Variants in RSU1 observed in about 807,000 individuals in gnomAD.
RSU1 encodes Ras suppressor protein 1.
In RSU1, 26 loss-of-function variants were observed where a neutral mutation model predicts 31.1. The observed-to-expected ratio is 0.84, with a 90% confidence interval of 0.61 to 1.16. The LOEUF (loss-of-function observed/expected upper bound fraction) is 1.16. Ranked by LOEUF, RSU1 falls within the 50% of genes most tolerant of loss-of-function variation. RSU1 has a pLI of 0.00. For missense variants in RSU1, 320 were observed against 339.1 expected (o/e 0.94, Z 0.44); for synonymous variants, 164 against 136.3 (o/e 1.20, Z -1.41).
chr10:16,693,008 G>A (rs1835594494), intron 8 of RSU1, among the ~76,000 whole-genome samples: 1 of 152,116 alleles, frequency 6.6e-6, no homozygotes, highest in Admixed American at 6.5e-5. Context: ...TGTCGCCCAG[G>A]CTGGAGTGCA....
chr10:16,804,866 T>C (rs1325443014), intron 2 of RSU1, among the ~76,000 whole-genome samples: 2 of 152,184 alleles, frequency 1.3e-5, no homozygotes, highest in Non-Finnish European at 2.9e-5. Flanking sequence ...AGAGGATTTT[T>C]AGAGCAGTGT....
At position 16,695,160 on chromosome 10, in the gene RSU1, G is replaced by C. The variant is rs570985776; in HGVS notation, c.599-5C>G. 132 of 1,476,262 alleles carry C rather than the reference G, an allele frequency of 8.9e-5. No individual in the cohort carries two copies. Among genetic ancestry groups the C allele is most frequent in the South Asian group, 1.7e-4 (14 of 83,410 alleles). The allele number at this position is 1,476,262 out of a possible 1,614,324, so 91.4% of individuals were successfully genotyped here. On this transcript the variant is annotated splice_region_variant and splice_polypyrimidine_tract_variant and intron_variant, in intron 7 of 8. Coordinates refer to ENST00000345264, the MANE Select transcript of RSU1 (RefSeq NM_012425.4). ...GGCCAGTTAAATCCAAGTTTCCTGG[G>C]GGGGGGGAAAAAAAAAGTGAAGGTC...
chr10:16,670,502 G>A (rs781409269), intron 8 of RSU1, among the ~76,000 whole-genome samples: 8 of 152,100 alleles, frequency 5.3e-5, no homozygotes, highest in South Asian at 2.1e-4. Context: ...CATAATGAGG[G>A]GTTGCCAGGC....
chr10:16,792,701 CAG>C (rs1442857723), intron 2 of RSU1, among the ~76,000 whole-genome samples: 2 of 152,246 alleles, frequency 1.3e-5, no homozygotes, highest in African/African-American at 4.8e-5. Context: ...CAGTTGTGCA[CAG>C]AGACAGCCAC....
chr10:16,674,485 C>T (rs886792445), intron 8 of RSU1, among the ~76,000 whole-genome samples: 42 of 150,634 alleles, frequency 2.8e-4, no homozygotes, highest in South Asian at 2.1e-4. Context: ...CAGCTCTCAT[C>T]GAATATTCAG....
chr10:16,757,392 G>A (rs1837118582), intron 4 of RSU1, among the ~76,000 whole-genome samples: 1 of 152,116 alleles, frequency 6.6e-6, no homozygotes, highest in African/African-American at 2.4e-5. Flanking sequence ...ACAGCTGACA[G>A]CAGAGGGGGC....
rs540305870 is a variant in RSU1, at chr10:16,639,686, T to G, written c.732-46190A>C. ...TTTTATTGCCAAAGACATTTTCATCTGCAGCCAAATCACCAGGGAAACACT... is the reference window on the plus strand; with the variant it reads ...TTTTATTGCCAAAGACATTTTCATCGGCAGCCAAATCACCAGGGAAACACT... On this transcript the variant is annotated intron_variant, in intron 8 of 8. Coordinates refer to ENST00000345264, the MANE Select transcript of RSU1 (RefSeq NM_012425.4). Among the ~76,000 whole-genome samples the G allele has an allele frequency of 4.6e-5, 7 of 152,332 alleles. No individual in the cohort carries two copies. The South Asian group carries it at 1.0e-3, about 23-fold the overall frequency.
chr10:16,681,965 C>A (rs1454819326), intron 8 of RSU1, among the ~76,000 whole-genome samples: 1 of 152,106 alleles, frequency 6.6e-6, no homozygotes. Flanking sequence ...GTCTTTACAG[C>A]ATGGTGCATC....
At chr10:16,604,487 C>T (rs531736862) in intron 8 of RSU1, among the ~76,000 whole-genome samples, 2 of 151,646 alleles carry the variant, frequency 1.3e-5, no homozygotes, top group Non-Finnish European at 2.9e-5. Context: ...ACCCGGCACA[C>T]GCGATCCACA....
intron 8 of RSU1, among the ~76,000 whole-genome samples, chr10:16,636,678 T>C (rs1588686572): frequency 6.6e-6 from 1 of 152,232 alleles, no homozygotes; most frequent in Non-Finnish European, 1.5e-5. Context: ...GGAGACCTCC[T>C]ATCTGATCTG....
intron 8 of RSU1, among the ~76,000 whole-genome samples, chr10:16,604,036 G>A (rs1488402287): frequency 6.6e-6 from 1 of 152,114 alleles, no homozygotes; most frequent in Admixed American, 6.5e-5. Context: ...GCTGGAGGAT[G>A]ATATGATACA....
intron 8 of RSU1, among the ~76,000 whole-genome samples, chr10:16,596,234 CA>C (rs746007880): frequency 9.9e-5 from 15 of 152,112 alleles, no homozygotes; most frequent in Non-Finnish European, 1.8e-4. Context: ...CCTTACATGA[CA>C]AAAGGGGCTC....
At chr10:16,670,346 G>T (rs1588705209) in intron 8 of RSU1, among the ~76,000 whole-genome samples, 1 of 152,102 alleles carries the variant, frequency 6.6e-6, no homozygotes, top group East Asian at 1.9e-4. Context: ...TCCAAGATAT[G>T]GCCACTCAAT....
chr10:16,787,310 C>A (rs142979325), intron 2 of RSU1, among the ~76,000 whole-genome samples: 6 of 152,230 alleles, frequency 3.9e-5, no homozygotes, highest in African/African-American at 7.2e-5. Flanking sequence ...CTATGTAGAG[C>A]AACCAATCTC....
At chr10:16,751,033 T>C (rs1447378036) in intron 7 of RSU1, among the ~76,000 whole-genome samples, 1 of 152,008 alleles carries the variant, frequency 6.6e-6, no homozygotes, top group Admixed American at 6.6e-5. Context: ...GTCCAGCTAA[T>C]TTTTTGTACT....
At chr10:16,761,078 C>A (rs989751453) in intron 4 of RSU1, among the ~76,000 whole-genome samples, 2 of 152,094 alleles carry the variant, frequency 1.3e-5, no homozygotes, top group Admixed American at 6.6e-5. Flanking sequence ...GGTAGAGTAG[C>A]TGCGATCACA....
chr10:16,720,266 T>G (rs964166200), intron 7 of RSU1, among the ~76,000 whole-genome samples: 4 of 152,188 alleles, frequency 2.6e-5, no homozygotes, highest in Non-Finnish European at 5.9e-5. Context: ...ACCATAGTTA[T>G]GACAGAAAAC....
intron 3 of RSU1, among the ~76,000 whole-genome samples, chr10:16,771,436 T>C (rs1328471441): frequency 1.3e-5 from 2 of 152,232 alleles, no homozygotes; most frequent in Non-Finnish European, 2.9e-5. Context: ...CTGTAATAAC[T>C]GGAGAACATG....
intron 2 of RSU1, among the ~76,000 whole-genome samples, chr10:16,786,366 G>A (rs934814736): frequency 1.3e-5 from 2 of 152,018 alleles, no homozygotes; most frequent in Non-Finnish European, 2.9e-5. Context: ...TAGTCCTTTC[G>A]ACACACGCCC....
Sources: gnomAD v4.1 joint callset for allele counts (sites outside exome capture counted in the v4.1 genomes callset) on GRCh38, gnomAD v4.1.1 for gene constraint, MANE v1.5 for transcripts, NCBI Gene and HGNC (gene_info 2026-07-23, HGNC 2026-07-21) for gene names.